The following SETD3 variants were observed in gnomAD, a reference collection of about 807,000 sequenced individuals.
SETD3 encodes the protein actin-histidine N-methyltransferase.
SETD3 carries 19 observed loss-of-function variants against 63.0 expected under a neutral mutation model. The ratio of observed to expected loss-of-function variants is 0.30; its 90% CI spans 0.21 to 0.44. SETD3 has a LOEUF of 0.44. Among genes scored for constraint, SETD3 ranks in the 20% least tolerant of loss-of-function variants. The pLI is 1.00. For synonymous variants in SETD3, 286 were observed against 264.1 expected (o/e 1.08, Z -0.80); for missense variants, 587 against 728.5 (o/e 0.81, Z 2.24).
chr14:99,403,830 C>T (rs1891534690), intron 11 of SETD3, among the ~76,000 whole-genome samples: 1 of 152,180 alleles, frequency 6.6e-6, no homozygotes, highest in African/African-American at 2.4e-5. Context: ...ACGTATGCCA[C>T]AGCTGACTAC....
At chr14:99,480,244 C>CGGGAGGAAGGAAGGAAAT (rs1896210076) in intron 1 of SETD3, among the ~76,000 whole-genome samples, 2 of 151,976 alleles carry the variant, frequency 1.3e-5, no homozygotes, top group Non-Finnish European at 2.9e-5. Flanking sequence ...AGCGGGGTGA[C>CGGGAGGAAGGAAGGAAAT]GGGAGGAAGG....
intron 7 of SETD3, chr14:99,413,266 G>A (rs775920512): frequency 1.8e-6 from 1 of 548,920 alleles, no homozygotes; most frequent in Non-Finnish European, 3.2e-6. Flanking sequence ...GCAGGAGTGA[G>A]TGTTTAAGGC....
intron 1 of SETD3, among the ~76,000 whole-genome samples, chr14:99,476,715 A>G (rs1403379893): frequency 6.6e-5 from 10 of 152,184 alleles, no homozygotes; most frequent in Admixed American, 6.5e-4. Flanking sequence ...AGGCATGTCT[A>G]TTTTCTGAGA....
chr14:99,421,287 C>A (rs141641373), intron 6 of SETD3, among the ~76,000 whole-genome samples: 19 of 151,998 alleles, frequency 1.3e-4, no homozygotes, highest in African/African-American at 4.6e-4. Flanking sequence ...AAAAAGCAGG[C>A]TAGAATTATG....
chr14:99,483,007 C>T (rs1048607149), upstream of SETD3, among the ~76,000 whole-genome samples: 12 of 152,200 alleles, frequency 7.9e-5, no homozygotes, highest in East Asian at 2.1e-3. Context: ...AAATTGTATA[C>T]CAGAGTATTT....
At chr14:99,441,475 AG>A (rs1768449934) in intron 6 of SETD3, among the ~76,000 whole-genome samples, 1 of 152,226 alleles carries the variant, frequency 6.6e-6, no homozygotes, top group Non-Finnish European at 1.5e-5. Flanking sequence ...CTCAAACTCC[AG>A]GGAAGGGGAC....
At chr14:99,458,774 C>CAA (rs5810953) in intron 5 of SETD3, among the ~76,000 whole-genome samples, 1,274 of 89,388 alleles carry the variant, frequency 0.014, 22 homozygotes, top group African/African-American at 0.039. Context: ...CCCATCACTA[C>CAA]AAAAAAAAAA....
At chr14:99,431,185 G>A (rs997937517) in intron 6 of SETD3, among the ~76,000 whole-genome samples, 1 of 152,158 alleles carries the variant, frequency 6.6e-6, no homozygotes, top group Admixed American at 6.5e-5. Context: ...TTGTTAAATA[G>A]GTATTTCCAC....
rs561474583 is a variant in SETD3 at position 99,436,190 on chromosome 14, C to T, written c.675+22089G>A. On this transcript the variant is annotated intron_variant, in intron 6 of 12. Transcript: ENST00000331768. ...TCTCTCCCTTGACACGTGGTGATCA[C>T]GGGAATGATGGAGATTACAATTCAA... 2.6e-5 allele frequency among the ~76,000 whole-genome samples: 4 copies of T among 152,138 alleles called. 1 individual carries two copies. The highest frequency in any genetic ancestry group is 7.2e-5 in the African/African-American group (3 of 41,486).
chr14:99,403,430 T>TACACAC (rs762669151), intron 11 of SETD3, among the ~76,000 whole-genome samples: 20 of 133,022 alleles, frequency 1.5e-4, no homozygotes, highest in African/African-American at 5.0e-4. Context: ...CAGCAAAACA[T>TACACAC]ACACACACAC....
At chr14:99,422,021 G>A (rs760665224) in intron 6 of SETD3, among the ~76,000 whole-genome samples, 26 of 152,136 alleles carry the variant, frequency 1.7e-4, no homozygotes, top group Non-Finnish European at 3.4e-4. Flanking sequence ...TTAAAGGCAG[G>A]CAACATTAGC....
In SETD3 at chr14:99,399,117, T is replaced by C; in HGVS notation, c.1347A>G (p.Lys449=). 6.2e-7 allele frequency: 1 copy of C among 1,612,346 alleles called. No individual in the cohort carries two copies. The highest frequency in any genetic ancestry group is 1.7e-4 in the Middle Eastern group (1 of 6,060). The change falls in exon 13 of 13, where the codon AAA becomes AAG. Residue 449 remains lysine (K), a synonymous_variant. Transcript: ENST00000331768. Reference sequence around the variant, plus strand: ...AAAGATCGTGGTTTTTCAAGACGGATTTATCTTCCTGGAAAACAAGAGCAA... The same window carrying C: ...AAAGATCGTGGTTTTTCAAGACGGACTTATCTTCCTGGAAAACAAGAGCAA... ...KTYKTTIEED[K]SVLKNHDLSV...
In SETD3 at chr14:99,413,945, G is replaced by T; in HGVS notation, c.676-11C>A. 1 of 1,612,718 alleles carries T rather than the reference G, an allele frequency of 6.2e-7. No homozygotes were observed. The highest frequency in any genetic ancestry group is 8.5e-7 in the Non-Finnish European group (1 of 1,178,716). On this transcript the variant is annotated splice_polypyrimidine_tract_variant and intron_variant, in intron 6 of 12. Coordinates refer to ENST00000331768, the MANE Select transcript of SETD3 (RefSeq NM_032233.3). Reference sequence around the variant, plus strand: ...GGCATGAGGATGGGTCTGGGAATTAGAAGTTTTAGAAAGCAGAGGTGAAAA... The same window carrying T: ...GGCATGAGGATGGGTCTGGGAATTATAAGTTTTAGAAAGCAGAGGTGAAAA...
chr14:99,405,125 T>C lies in SETD3; in HGVS notation c.1091+80A>G, dbSNP rs892465751. On this transcript the variant is annotated intron_variant, in intron 10 of 12. Transcript: ENST00000331768. ...ACAAACTACTGGAGAGAAGTTTTAT[T>C]AACACACCAATTAAACACTATGCAA... The C allele has an allele frequency of 2.0e-6, 3 of 1,511,230 alleles. No individual in the cohort carries two copies. The Admixed American group carries it at 6.6e-5, about 33-fold the overall frequency. The allele number at this position is 1,511,230 out of a possible 1,614,324, so 93.6% of individuals were successfully genotyped here.
chr14:99,449,996 A>G (rs1246199125), intron 6 of SETD3, among the ~76,000 whole-genome samples: 6 of 152,266 alleles, frequency 3.9e-5, no homozygotes, highest in Admixed American at 3.3e-4. Flanking sequence ...AAGAAGCTGA[A>G]TAGGGAGAGG....
chr14:99,446,793 A>C (rs1894152715), intron 6 of SETD3, among the ~76,000 whole-genome samples: 1 of 152,020 alleles, frequency 6.6e-6, no homozygotes, highest in African/African-American at 2.4e-5. Context: ...ACAGAGCAGA[A>C]GCGTTGCCAG....
At chr14:99,447,436 AC>A (rs1894200538) in intron 6 of SETD3, among the ~76,000 whole-genome samples, 2 of 152,264 alleles carry the variant, frequency 1.3e-5, no homozygotes, top group Admixed American at 6.5e-5. Context: ...TGACATAGCT[AC>A]AGTTTTCATT....
chr14:99,485,296 T>C (rs1426080471), upstream of SETD3, among the ~76,000 whole-genome samples: 1 of 152,206 alleles, frequency 6.6e-6, no homozygotes, highest in Admixed American at 6.5e-5. Context: ...GTTTCATCCC[T>C]ACTGGGGTAT....
At chr14:99,481,421 A>G (rs1428664438), upstream of SETD3, 16 of 398,598 alleles carry the variant, frequency 4.0e-5, no homozygotes, top group Non-Finnish European at 2.7e-5. Context: ...CATTCCATAT[A>G]CAAGATGGCC....
Sources: allele counts gnomAD v4.1 joint callset (sites outside exome capture counted in the v4.1 genomes callset), GRCh38; gene constraint gnomAD v4.1.1; transcripts MANE v1.5; gene names NCBI Gene and HGNC (gene_info 2026-07-23, HGNC 2026-07-21).